Variants in DHX37 observed in about 807,000 individuals in gnomAD.
DHX37 encodes the protein probable ATP-dependent RNA helicase DHX37.
A neutral mutation model predicts 134.3 loss-of-function variants in DHX37; 52 were observed. The observed-to-expected ratio is 0.39, with a 90% CI of 0.31 to 0.49. The LOEUF is 0.49. Among genes scored for constraint, DHX37 ranks in the 20% least tolerant of loss-of-function variants. The pLI is 0.93. For synonymous variants in DHX37, 634 were observed against 670.7 expected, an observed-to-expected ratio of 0.95 and a Z score of 0.85; for missense variants, 1,344 against 1,580.8, an observed-to-expected ratio of 0.85 and a Z score of 2.54.
intron 21 of DHX37, 38 bp downstream of exon 21, chr12:124,952,360 C>T (rs1421138639): frequency 3.2e-6 from 5 of 1,567,402 alleles, no homozygotes; most frequent in South Asian, 2.3e-5. Flanking sequence ...CACCAGGTGC[C>T]CCAAGCTACC....
At chr12:124,970,007 T>C (rs928683314) in intron 8 of DHX37, among the ~76,000 whole-genome samples, 1 of 152,204 alleles carries the variant, frequency 6.6e-6, no homozygotes, top group African/African-American at 2.4e-5. Context: ...AAGTCTCGCT[T>C]TCTCACCCAG....
rs374832286 is a variant in DHX37, at chr12:124,964,966, C to T, written c.1776G>A (p.Pro592=). 3.2e-5 allele frequency: 51 copies of T among 1,599,200 alleles called. No homozygotes were observed. Among genetic ancestry groups the T allele is most frequent in the Non-Finnish European group, 3.9e-5 (46 of 1,174,674 alleles). ...TCTCTGGGGCCAGCAGAGAGTACAG[C>T]GGGAGCACGTGGAGCGGGAGGGAGG... is the stretch of plus-strand genomic sequence containing the variant. ...PDASLPLHVL[P]LYSLLAPEKQ... The change falls in exon 14 of 27, where the codon CCG becomes CCA. Residue 592 remains proline (P), a synonymous_variant. Coordinates refer to ENST00000308736, the MANE Select transcript of DHX37 (RefSeq NM_032656.4).
chr12:124,988,490 G>A (rs1439454052), intron 1 of DHX37, among the ~76,000 whole-genome samples: 1 of 152,094 alleles, frequency 6.6e-6, no homozygotes, highest in Non-Finnish European at 1.5e-5. Context: ...TATGTCTCCA[G>A]TGCCTAGAAT....
At chr12:124,975,020 C>A (rs1954604354) in intron 6 of DHX37, among the ~76,000 whole-genome samples, 1 of 152,210 alleles carries the variant, frequency 6.6e-6, no homozygotes, top group African/African-American at 2.4e-5. Context: ...AGGTGATCTG[C>A]CCGCCTTGGC....
Position 124,949,819 on chromosome 12 carries a change from G to A in DHX37, c.3290+167C>T, listed in dbSNP as rs554814231. On this transcript the variant is annotated intron_variant, in intron 25 of 26. Transcript: ENST00000308736. The surrounding 1 kb of genome is among the most constrained non-coding windows in gnomAD (Gnocchi z 4.0). The stretch of plus-strand genomic sequence containing the variant: ...GACAGAGGCAAGACGGACCCTCCCC[G>A]AGAGCCGCTGCACAGACCGTGGCTC... 1.8e-4 allele frequency among the ~76,000 whole-genome samples: 27 copies of A among 152,238 alleles called. No individual in the cohort carries two copies. The highest frequency in any genetic ancestry group is 2.9e-4 in the Non-Finnish European group (20 of 68,010).
intron 17 of DHX37, 34 bp from the exon 18 acceptor site, chr12:124,956,913 G>C (rs12304873): frequency 0.036 from 55,632 of 1,560,026 alleles, 1,336 homozygotes; most frequent in African/African-American, 0.093. Flanking sequence ...AGTGCTCTGA[G>C]AGGAGCTCTG....
chr12:124,989,044 G>A lies in DHX37; in HGVS notation c.-22C>T, dbSNP rs201712640. 66 of 1,331,702 alleles carry A rather than the reference G, an allele frequency of 5.0e-5. No homozygotes were observed. The African/African-American group carries it at 8.2e-4, about 17-fold the overall frequency. The allele number at this position is 1,331,702 out of a possible 1,614,324, so 82.5% of individuals were successfully genotyped here. A position where few individuals can be genotyped will look rare whatever the true frequency, so the allele number is the denominator to read the frequency against. ...CCATGGCGACTAGGCCAGGGTGGGC[G>A]CTCCAGCGGCCGGACCAGCAGAGCA... On this transcript the variant is annotated 5_prime_UTR_variant, in exon 1 of 27. Transcript: ENST00000308736.
In DHX37 at chr12:124,971,321, A is replaced by G. The variant is rs1954518161; in HGVS notation, c.1172T>C (p.Ile391Thr). 1.2e-6 allele frequency: 2 copies of G among 1,612,804 alleles called. No homozygotes were observed. Among genetic ancestry groups the G allele is most frequent in the East Asian group, 2.2e-5 (1 of 44,876 alleles). ...CGCTACCTTAGCCCGGAGAGTCACA[A>G]TGCGGGACAGGAGGCCGATGAGGAT... ...TDILIGLLSR[I>T]VTLRAKRNLP... The change falls in exon 8 of 27, where the codon ATT becomes ACT. Residue 391 changes from isoleucine to threonine, a missense_variant. By Grantham distance (89) the Ile-to-Thr change is moderately conservative. This residue lies in a region of DHX37 where 289 missense variants were observed against 323.8 expected (regional missense o/e 0.89). Transcript: ENST00000308736.
At position 124,947,650 on chromosome 12, in the gene DHX37, G is replaced by T; in HGVS notation, c.*152C>A. 9.7e-7 allele frequency: 1 copy of T among 1,030,282 alleles called. No homozygotes were observed. The highest frequency in any genetic ancestry group is 1.4e-6 in the Non-Finnish European group (1 of 731,638). The allele number at this position is 1,030,282 out of a possible 1,614,324, so 63.8% of individuals were successfully genotyped here. ...GCGGCAGCACCCTTCATACGGGATC[G>T]AGCTCTCATGGATGAGGGTTCCCAG... is the stretch of plus-strand genomic sequence containing the variant. On this transcript the variant is annotated 3_prime_UTR_variant, in exon 27 of 27. Transcript: ENST00000308736.
At position 124,952,477 on chromosome 12, in the gene DHX37, G is replaced by A. The variant is rs764169374; in HGVS notation, c.2789C>T (p.Thr930Met). 21 of 1,611,026 alleles carry A rather than the reference G, an allele frequency of 1.3e-5. No homozygotes were observed. The highest frequency in any genetic ancestry group is 4.5e-5 in the East Asian group (2 of 44,664). ...GGCCAAGTGGTCCCCCAGGCCTGCC[G>A]TCACGATCTGTCGCAGGTAGGTCAC... ...SQVTYLRQIV[T>M]AGLGDHLARR... The change falls in exon 21 of 27, where the codon ACG (threonine) becomes ATG (methionine). Residue 930 changes from threonine to methionine, a missense_variant. Around this residue, in one of 7 missense-constraint regions of DHX37, gnomAD observed 558 missense variants for 650.0 expected, o/e 0.86. Coordinates refer to ENST00000308736, the MANE Select transcript of DHX37 (RefSeq NM_032656.4).
chr12:124,980,376 TG>T lies in DHX37; in HGVS notation c.738+113del. The T allele has an allele frequency of 8.4e-7, 1 of 1,186,952 alleles. No individual in the cohort carries two copies. The allele number at this position is 1,186,952 out of a possible 1,614,324, so 73.5% of individuals were successfully genotyped here. A position where few individuals can be genotyped will look rare whatever the true frequency, so the allele number is the denominator to read the frequency against. Reference sequence around the variant, plus strand: ...CGCAGTCACTCTCCCCTTTCCCAGATGGGGACATGGAGGCACAGAGAAGGGA... The same window carrying T: ...CGCAGTCACTCTCCCCTTTCCCAGATGGGACATGGAGGCACAGAGAAGGGA... On this transcript the variant is annotated intron_variant, in intron 4 of 26. Coordinates refer to ENST00000308736, the MANE Select transcript of DHX37 (RefSeq NM_032656.4). The surrounding 1 kb of genome is among the most constrained non-coding windows in gnomAD (Gnocchi z 5.3).
At chr12:124,962,279 C>A (rs1954281180) in intron 15 of DHX37, among the ~76,000 whole-genome samples, 1 of 152,230 alleles carries the variant, frequency 6.6e-6, no homozygotes, top group African/African-American at 2.4e-5. Context: ...GTGGTTCATG[C>A]CTATAATCCC....
intron 21 of DHX37, among the ~76,000 whole-genome samples, chr12:124,952,166 CAA>C: frequency 6.6e-6 from 1 of 152,150 alleles, no homozygotes; most frequent in Admixed American, 6.5e-5. Context: ...CAAAAAACCC[CAA>C]AAGAGTTTAA....
chr12:124,985,909 G>A (rs986156795), intron 2 of DHX37, among the ~76,000 whole-genome samples, 187 bp downstream of exon 2: 4 of 151,796 alleles, frequency 2.6e-5, no homozygotes, highest in Non-Finnish European at 5.9e-5. Context: ...TGCCATAGTA[G>A]CTGCATTTCA....
chr12:124,967,030 G>A, intron 11 of DHX37, 93 bp downstream of exon 11: 2 of 1,543,212 alleles, frequency 1.3e-6, no homozygotes, highest in Non-Finnish European at 1.8e-6. Flanking sequence ...CTTCCAGAGA[G>A]AAGCTCAGAG....
In DHX37 at chr12:124,980,113, C is replaced by T. The variant is rs190615644; in HGVS notation, c.738+377G>A. 3.9e-5 allele frequency among the ~76,000 whole-genome samples: 6 copies of T among 152,334 alleles called. No individual in the cohort carries two copies. The highest frequency in any genetic ancestry group is 1.4e-4 in the African/African-American group (6 of 41,574). On this transcript the variant is annotated intron_variant, in intron 4 of 26. Transcript: ENST00000308736. The surrounding 1 kb of genome is among the most constrained non-coding windows in gnomAD (Gnocchi z 5.3). The stretch of plus-strand genomic sequence containing the variant: ...GGAATATTCCCATTTTACAGATGCG[C>T]GGGAAGTGAGCTGGAGAGCAGGGGA...
At chr12:124,981,723 C>T (rs1010276137) in intron 3 of DHX37, among the ~76,000 whole-genome samples, 3 of 151,756 alleles carry the variant, frequency 2.0e-5, no homozygotes, top group South Asian at 2.1e-4. Context: ...GTATGAGCCA[C>T]GGCACCCTTC....
In DHX37 at chr12:124,977,408, C is replaced by T; in HGVS notation, c.821G>A (p.Cys274Tyr). The change falls in exon 5 of 27, where the codon TGT becomes TAT. Residue 274 changes from cysteine to tyrosine, a missense_variant. Around this residue, in one of 7 missense-constraint regions of DHX37, gnomAD observed 77 missense variants for 121.6 expected, o/e 0.63. Coordinates refer to ENST00000308736, the MANE Select transcript of DHX37 (RefSeq NM_032656.4). ...AVAEHPIVIV[C>Y]GETGSGKTTQ... ...GGTCTTCCCGCTGCCGGTCTCACCA[C>T]ACACGATGACGATGGGGTGCTCGGC... is the stretch of plus-strand genomic sequence containing the variant. 1.2e-6 allele frequency: 2 copies of T among 1,611,300 alleles called. No individual in the cohort carries two copies. The highest frequency in any genetic ancestry group is 1.7e-6 in the Non-Finnish European group (2 of 1,179,008).
chr12:124,971,091 G>A (rs765562203), intron 8 of DHX37, among the ~76,000 whole-genome samples: 1 of 152,234 alleles, frequency 6.6e-6, no homozygotes, highest in Non-Finnish European at 1.5e-5. Flanking sequence ...GCACCGGGGC[G>A]GTGGGGAGGG....
Sources: gnomAD v4.1 joint callset for allele counts (sites outside exome capture counted in the v4.1 genomes callset) on GRCh38, gnomAD v4.1.1 for gene constraint, gnomAD v4.1.1 regional missense constraint, Gnocchi (gnomAD v3.1) non-coding constraint, MANE v1.5 for transcripts, NCBI Gene and HGNC (gene_info 2026-07-23, HGNC 2026-07-21) for gene names.